SLC24A3: variants seen among roughly 807,000 people sequenced by gnomAD.
The protein encoded by SLC24A3 is solute carrier family 24 member 3.
A neutral mutation model predicts 75.8 loss-of-function variants in SLC24A3; 28 were observed. The observed-to-expected ratio is 0.37, with a 90% confidence interval of 0.27 to 0.51. The LOEUF is 0.51. SLC24A3 is among the 20% of genes least tolerant of loss of function. The pLI is 0.94. For synonymous variants in SLC24A3, 372 were observed against 334.1 expected, an observed-to-expected ratio of 1.11 and a Z score of -1.24; for missense variants, 663 against 847.8, an observed-to-expected ratio of 0.78 and a Z score of 2.71.
At chr20:19,444,301 A>G (rs1426640343) in intron 2 of SLC24A3, among the ~76,000 whole-genome samples, 1 of 151,960 alleles carries the variant, frequency 6.6e-6, no homozygotes, top group Non-Finnish European at 1.5e-5. Context: ...TTTTCCTTTC[A>G]TGTAATTTAT....
intron 2 of SLC24A3, among the ~76,000 whole-genome samples, chr20:19,341,195 A>G (rs886973814): frequency 2.6e-5 from 4 of 152,232 alleles, no homozygotes; most frequent in Non-Finnish European, 5.9e-5. Context: ...CCACCACAGT[A>G]GGCAAACCAG....
chr20:19,457,817 C>G (rs1987605503), intron 2 of SLC24A3, among the ~76,000 whole-genome samples: 1 of 152,070 alleles, frequency 6.6e-6, no homozygotes, highest in South Asian at 2.1e-4. Flanking sequence ...CTGAGCAGTC[C>G]CCAGAGAAAG....
intron 2 of SLC24A3, among the ~76,000 whole-genome samples, chr20:19,499,691 T>A (rs549258877): frequency 6.6e-6 from 1 of 152,156 alleles, no homozygotes; most frequent in Non-Finnish European, 1.5e-5. Context: ...TTTCAACATA[T>A]GAATTTGGGG....
At chr20:19,523,233 T>G (rs530617450) in intron 3 of SLC24A3, among the ~76,000 whole-genome samples, 4 of 151,834 alleles carry the variant, frequency 2.6e-5, no homozygotes, top group Non-Finnish European at 5.9e-5. Flanking sequence ...ACCAGGGGGG[T>G]TTGAAATTTG....
intron 2 of SLC24A3, among the ~76,000 whole-genome samples, chr20:19,470,993 A>G (rs6081605): frequency 0.57 from 87,353 of 152,068 alleles, 25,267 homozygotes; most frequent in East Asian, 0.64. Context: ...GAGACGGCAC[A>G]AGGTTGAGCA....
At chr20:19,244,685 G>A (rs1271469386) in intron 1 of SLC24A3, among the ~76,000 whole-genome samples, 1 of 152,178 alleles carries the variant, frequency 6.6e-6, no homozygotes, top group African/African-American at 2.4e-5. Context: ...AGCAGGAAGG[G>A]AATGACAGGA....
In SLC24A3 at chr20:19,382,516, G is replaced by A. The variant is rs919724961; in HGVS notation, c.271+101429G>A. On this transcript the variant is annotated intron_variant, in intron 2 of 16. Coordinates refer to ENST00000328041, the MANE Select transcript of SLC24A3 (RefSeq NM_020689.4). ...GTTATCTTTGTTCCAGGGGCCTTGC[G>A]GCTGGCAGACATGCAATGTGAATTT... 2.6e-5 allele frequency among the ~76,000 whole-genome samples: 4 copies of A among 152,222 alleles called. No individual in the cohort carries two copies. In the South Asian group the frequency reaches 6.2e-4, roughly 24 times the overall value.
At chr20:19,539,833 A>G (rs1341805836) in intron 3 of SLC24A3, among the ~76,000 whole-genome samples, 1 of 152,196 alleles carries the variant, frequency 6.6e-6, no homozygotes, top group African/African-American at 2.4e-5. Context: ...TTGGACAAAA[A>G]GGGTGTAATC....
chr20:19,550,404 C>T (rs2030672031), intron 3 of SLC24A3, among the ~76,000 whole-genome samples: 1 of 152,178 alleles, frequency 6.6e-6, no homozygotes, highest in Admixed American at 6.5e-5. Context: ...TAGCACTTCT[C>T]TCAAAGAGAG....
At chr20:19,590,270 C>A (rs1209981447) in intron 6 of SLC24A3, among the ~76,000 whole-genome samples, 1 of 152,070 alleles carries the variant, frequency 6.6e-6, no homozygotes, top group African/African-American at 2.4e-5. Flanking sequence ...TTTGCTTCCA[C>A]CACAGATGGA....
intron 16 of SLC24A3, among the ~76,000 whole-genome samples, chr20:19,718,447 T>C (rs1207946417): frequency 6.6e-6 from 1 of 152,218 alleles, no homozygotes; most frequent in Non-Finnish European, 1.5e-5. Context: ...TAATGTTTTG[T>C]ATACATATCT....
At chr20:19,255,381 T>A (rs986450706) in intron 1 of SLC24A3, among the ~76,000 whole-genome samples, 1 of 152,258 alleles carries the variant, frequency 6.6e-6, no homozygotes, top group African/African-American at 2.4e-5. Flanking sequence ...CCACTGGGCC[T>A]GTGCCCTGGT....
chr20:19,528,264 A>G (rs1237508843), intron 3 of SLC24A3, among the ~76,000 whole-genome samples: 1 of 152,096 alleles, frequency 6.6e-6, no homozygotes, highest in Non-Finnish European at 1.5e-5. Flanking sequence ...CCGGATCCCA[A>G]AGTGCTGGTT....
At chr20:19,609,915 C>T (rs2031648921) in intron 6 of SLC24A3, among the ~76,000 whole-genome samples, 1 of 152,130 alleles carries the variant, frequency 6.6e-6, no homozygotes, top group Admixed American at 6.5e-5. Flanking sequence ...CAGTGTTTGC[C>T]AACAAATGGA....
intron 1 of SLC24A3, chr20:19,261,765 C>T (rs889166074): frequency 2.6e-5 from 4 of 152,236 alleles, no homozygotes; most frequent in Admixed American, 6.5e-5. Flanking sequence ...CACGTAGGTC[C>T]GAAAGTTGCA....
Position 19,466,529 on chromosome 20 carries a change from C to A in SLC24A3, c.272-48959C>A, listed in dbSNP as rs189892262. On this transcript the variant is annotated intron_variant, in intron 2 of 16. Transcript: ENST00000328041. ...TATGCTTCTGGAATAGTGCCCCATACTTCCCTGAAAAGGTAATAAAATATG... is the reference window on the plus strand; with the variant it reads ...TATGCTTCTGGAATAGTGCCCCATAATTCCCTGAAAAGGTAATAAAATATG... Among the ~76,000 whole-genome samples, 420 of 152,294 alleles carry A rather than the reference C, an allele frequency of 2.8e-3. 3 individuals are homozygous for A. Among genetic ancestry groups the A allele is most frequent in the Non-Finnish European group, 1.8e-3 (125 of 68,032 alleles).
At chr20:19,290,245 A>C (rs1324025700) in intron 2 of SLC24A3, among the ~76,000 whole-genome samples, 2 of 152,016 alleles carry the variant, frequency 1.3e-5, no homozygotes, top group Non-Finnish European at 2.9e-5. Context: ...GAGATTTTAA[A>C]CCCAGGTCCA....
intron 2 of SLC24A3, among the ~76,000 whole-genome samples, chr20:19,428,886 G>A (rs3790201): frequency 0.093 from 14,099 of 152,152 alleles, 1,362 homozygotes; most frequent in East Asian, 0.36. Context: ...TATCAGTATC[G>A]ATATCCTTAC....
At chr20:19,375,532 A>G (rs1394848816) in intron 2 of SLC24A3, among the ~76,000 whole-genome samples, 1 of 152,176 alleles carries the variant, frequency 6.6e-6, no homozygotes, top group Non-Finnish European at 1.5e-5. Context: ...GATTTGTCCC[A>G]GATAGGTTAA....
Sources: allele counts gnomAD v4.1 joint callset (sites outside exome capture counted in the v4.1 genomes callset), GRCh38; gene constraint gnomAD v4.1.1; transcripts MANE v1.5; gene names NCBI Gene and HGNC (gene_info 2026-07-23, HGNC 2026-07-21).